BCAR3: variants seen among roughly 807,000 people sequenced by gnomAD.
The protein encoded by BCAR3 is breast cancer anti-estrogen resistance protein 3.
Under a neutral mutation model 80.1 loss-of-function variants are expected in BCAR3, and 37 were observed. That is an observed-to-expected ratio of 0.46 (90% CI 0.36 to 0.61). BCAR3 has a LOEUF of 0.61. BCAR3 is among the 20% of genes least tolerant of loss of function. The probability of loss-of-function intolerance (pLI) is 0.00; values close to 1 mark genes in which losing one functional copy is unlikely to be tolerated. For missense variants in BCAR3, 978 were observed against 1,068.2 expected (o/e 0.92, Z 1.18); for synonymous variants, 389 against 418.9 (o/e 0.93, Z 0.87).
intron 2 of BCAR3, among the ~76,000 whole-genome samples, chr1:93,804,857 G>C (rs1028328723): frequency 1.3e-5 from 2 of 152,236 alleles, no homozygotes; most frequent in East Asian, 3.9e-4. Context: ...GAATAAACTT[G>C]TTATGAACAC....
At chr1:93,579,234 T>C (rs1306259798) in intron 7 of BCAR3, among the ~76,000 whole-genome samples, 2 of 152,172 alleles carry the variant, frequency 1.3e-5, no homozygotes, top group East Asian at 3.9e-4. Flanking sequence ...GCTCTCAGCT[T>C]CTGGGTGGCC....
intron 2 of BCAR3, among the ~76,000 whole-genome samples, chr1:93,739,708 G>A (rs1651113097): frequency 6.6e-6 from 1 of 152,104 alleles, no homozygotes; most frequent in South Asian, 2.1e-4. Context: ...CTAAGGGGAT[G>A]GAATATGCCT....
intron 3 of BCAR3, among the ~76,000 whole-genome samples, chr1:93,596,570 T>C (rs1278788851): frequency 6.9e-6 from 1 of 144,898 alleles, no homozygotes; most frequent in Non-Finnish European, 1.5e-5. Flanking sequence ...AATGGAGGAC[T>C]CTGGCCCTCT....
At chr1:93,769,822 T>A (rs1427532725) in intron 2 of BCAR3, among the ~76,000 whole-genome samples, 1 of 152,200 alleles carries the variant, frequency 6.6e-6, no homozygotes, top group Non-Finnish European at 1.5e-5. Context: ...AACTTTCATA[T>A]CCTGGATTGG....
intron 2 of BCAR3, among the ~76,000 whole-genome samples, chr1:93,719,711 A>C (rs959410300): frequency 1.3e-5 from 2 of 152,144 alleles, no homozygotes; most frequent in African/African-American, 4.8e-5. Flanking sequence ...ACTGGTGATA[A>C]ATGCTGAACT....
chr1:93,758,724 C>T (rs1381816777), intron 2 of BCAR3, among the ~76,000 whole-genome samples: 1 of 152,204 alleles, frequency 6.6e-6, no homozygotes, highest in Non-Finnish European at 1.5e-5. Context: ...TCAGCGTTCA[C>T]CAAGTCACTT....
intron 2 of BCAR3, among the ~76,000 whole-genome samples, chr1:93,730,155 T>A (rs554505461): frequency 6.6e-6 from 1 of 152,284 alleles, no homozygotes; most frequent in African/African-American, 2.4e-5. Flanking sequence ...AGTTTGTTTT[T>A]AACACATATT....
At position 93,638,858 on chromosome 1, in the gene BCAR3, G is replaced by A. The variant is rs556999015; in HGVS notation, c.357+3446C>T. On this transcript the variant is annotated intron_variant, in intron 3 of 11. Coordinates refer to ENST00000260502, the MANE Select transcript of BCAR3 (RefSeq NM_003567.4). ...GATCATGTTCTGAGCTACTGTGGGGGGAAAAAATTGTGAGGAGAGAAGGTT... is the reference window on the plus strand; with the variant it reads ...GATCATGTTCTGAGCTACTGTGGGGAGAAAAAATTGTGAGGAGAGAAGGTT... Among the ~76,000 whole-genome samples the A allele has an allele frequency of 1.1e-3, 164 of 152,036 alleles. 1 individual carries two copies. Among genetic ancestry groups the A allele is most frequent in the Non-Finnish European group, 1.6e-3 (106 of 67,972 alleles).
At chr1:93,571,493 CAAAA>C in intron 9 of BCAR3, 173 bp downstream of exon 9, 1 of 762,538 alleles carries the variant, frequency 1.3e-6, no homozygotes, top group Non-Finnish European at 2.0e-6. Flanking sequence ...GATTCTGTCT[CAAAA>C]AAGAAAAAAA....
chr1:93,828,838 G>A (rs1473262655), intron 2 of BCAR3, among the ~76,000 whole-genome samples: 5 of 152,050 alleles, frequency 3.3e-5, no homozygotes, highest in South Asian at 2.1e-4. Context: ...GACTACAGGC[G>A]CATGCTACCA....
intron 3 of BCAR3, among the ~76,000 whole-genome samples, chr1:93,595,123 C>G (rs144699079): frequency 6.6e-6 from 1 of 152,180 alleles, no homozygotes; most frequent in African/African-American, 2.4e-5. Flanking sequence ...CTACAGGGTA[C>G]TATAGGAGGT....
In BCAR3 at chr1:93,663,535, C is replaced by T. The variant is rs576119800; in HGVS notation, c.317+11079G>A. 1.3e-3 allele frequency among the ~76,000 whole-genome samples: 192 copies of T among 152,282 alleles called. 2 individuals are homozygous for T. Among genetic ancestry groups the T allele is most frequent in the African/African-American group, 4.2e-3 (174 of 41,556 alleles). ...GGTCAGGAAAGGCAGGATTGCTTAT[C>T]AATCCAGTGGAGCAATACAAAGGGC... On this transcript the variant is annotated intron_variant, in intron 2 of 11. Transcript: ENST00000260502.
intron 2 of BCAR3, among the ~76,000 whole-genome samples, chr1:93,832,222 C>A (rs777005886): frequency 9.9e-5 from 15 of 152,192 alleles, no homozygotes; most frequent in Non-Finnish European, 2.2e-4. Context: ...CAATTCCTTG[C>A]CTACACTGTG....
intron 2 of BCAR3, among the ~76,000 whole-genome samples, chr1:93,843,500 T>A (rs566645718): frequency 2.6e-5 from 4 of 152,256 alleles, no homozygotes; most frequent in Admixed American, 2.6e-4. Context: ...TTAAGGATCA[T>A]GTCCTGCAAA....
intron 2 of BCAR3, among the ~76,000 whole-genome samples, chr1:93,779,263 G>A: frequency 6.6e-6 from 1 of 152,176 alleles, no homozygotes; most frequent in Non-Finnish European, 1.5e-5. Context: ...GAGGTCCAAT[G>A]ACTTGGCCAG....
intron 2 of BCAR3, among the ~76,000 whole-genome samples, chr1:93,822,667 G>A (rs1299520856): frequency 6.6e-6 from 1 of 152,150 alleles, no homozygotes; most frequent in Non-Finnish European, 1.5e-5. Flanking sequence ...GCTGGAGAAA[G>A]GCACTTGAGT....
In BCAR3 at chr1:93,582,748, G is replaced by A; in HGVS notation, c.1239C>T (p.Leu413=). The A allele has an allele frequency of 6.2e-7, 1 of 1,614,144 alleles. No individual in the cohort carries two copies. Residue 413 remains leucine, a synonymous_variant, in exon 7 of 12, where the codon CTC becomes CTT. Coordinates refer to ENST00000260502, the MANE Select transcript of BCAR3 (RefSeq NM_003567.4). ...PPPKPCKVPF[L]KVPSSPSAWL... is the part of the protein sequence containing the mutation. ...AGGCAGAGGGAGACGAGGGAACCTTGAGGAACGGCACCTTGCAGGGCTTAG... is the reference window on the plus strand; with the variant it reads ...AGGCAGAGGGAGACGAGGGAACCTTAAGGAACGGCACCTTGCAGGGCTTAG...
intron 2 of BCAR3, among the ~76,000 whole-genome samples, chr1:93,668,511 C>T (rs941506499): frequency 2.6e-5 from 4 of 152,136 alleles, no homozygotes; most frequent in African/African-American, 7.2e-5. Context: ...CTAAACCATT[C>T]GCAACAGCTG....
intron 3 of BCAR3, among the ~76,000 whole-genome samples, chr1:93,690,669 T>C (rs1459947551): frequency 2.0e-5 from 3 of 152,238 alleles, no homozygotes; most frequent in African/African-American, 7.2e-5. Context: ...CTAGCAACTG[T>C]CTGAATTCTA....
Sources: gnomAD v4.1 joint callset for allele counts (sites outside exome capture counted in the v4.1 genomes callset) on GRCh38, gnomAD v4.1.1 for gene constraint, MANE v1.5 for transcripts, NCBI Gene and HGNC (gene_info 2026-07-23, HGNC 2026-07-21) for gene names.